The following CCDC91 variants were observed in gnomAD, a reference collection of about 807,000 sequenced individuals.
CCDC91 encodes the protein coiled-coil domain containing 91, also known as coiled-coil domain-containing protein 91.
In CCDC91, 48 loss-of-function variants were observed where a neutral mutation model predicts 63.2. The ratio of observed to expected loss-of-function variants is 0.76; its 90% CI spans 0.60 to 0.97. The LOEUF is 0.97. Among genes scored for constraint, CCDC91 ranks in the 50% least tolerant of loss-of-function variants. The pLI is 0.00. For missense variants in CCDC91, 500 were observed against 494.6 expected (o/e 1.01, Z -0.10); for synonymous variants, 167 against 165.8 (o/e 1.01, Z -0.06).
At chr12:28,255,898 A>G (rs1315933667) in intron 1 of CCDC91, 1 of 152,126 alleles carries the variant, frequency 6.6e-6, no homozygotes, top group African/African-American at 2.4e-5. Context: ...TCCAGAAGGT[A>G]AAGCACAGAT....
chr12:28,407,968 T>TTA (rs1267336901), intron 8 of CCDC91, among the ~76,000 whole-genome samples: 12 of 149,420 alleles, frequency 8.0e-5, no homozygotes, highest in Admixed American at 5.4e-4. Flanking sequence ...ATATATATTT[T>TTA]TTTTATTTTT....
chr12:28,441,697 A>G (rs375436519), intron 8 of CCDC91, among the ~76,000 whole-genome samples: 1 of 138,776 alleles, frequency 7.2e-6, no homozygotes, highest in African/African-American at 2.7e-5. Flanking sequence ...GTATATATAT[A>G]TCTCTCTCAT....
rs1938760621 is a variant in CCDC91 at position 28,306,609 on chromosome 12, A to T, written c.268-133A>T. On this transcript the variant is annotated intron_variant, in intron 4 of 12. Coordinates refer to ENST00000536442, the MANE Select transcript of CCDC91 (RefSeq NM_018318.5). ...TGAGGTCTTCTCTTGATTTACTTAAAGGGTGAAATAATTTCGGAACCTTTT... is the reference window on the plus strand; with the variant it reads ...TGAGGTCTTCTCTTGATTTACTTAATGGGTGAAATAATTTCGGAACCTTTT... The T allele has an allele frequency of 5.2e-6, 3 of 572,084 alleles. No individual in the cohort carries two copies. The Admixed American group carries it at 1.1e-4, about 20-fold the overall frequency. 35.4% of individuals were successfully genotyped at this position (572,084 alleles called of 1,614,324 possible). A position where few individuals can be genotyped will look rare whatever the true frequency, so the allele number is the denominator to read the frequency against.
intron 12 of CCDC91, among the ~76,000 whole-genome samples, chr12:28,543,765 T>C (rs564937812): frequency 1.3e-5 from 2 of 152,146 alleles, no homozygotes; most frequent in African/African-American, 4.8e-5. Flanking sequence ...ATTTATCATG[T>C]CTGAAACAAA....
At position 28,450,484 on chromosome 12, in the gene CCDC91, AG is replaced by A. The variant is rs1023865586; in HGVS notation, c.924+67del. 66 of 1,063,960 alleles carry A rather than the reference AG, an allele frequency of 6.2e-5. No homozygotes were observed. In the African/African-American group the frequency reaches 9.8e-4, roughly 16 times the overall value. The allele number at this position is 1,063,960 out of a possible 1,614,324, so 65.9% of individuals were successfully genotyped here. A position where few individuals can be genotyped will look rare whatever the true frequency, so the allele number is the denominator to read the frequency against. ...GAATTAAAAAATGGAATATATTAAT[AG>A]TATTCTCAATCTTTTATAAAATGTT... On this transcript the variant is annotated intron_variant, in intron 10 of 12. Coordinates refer to ENST00000536442, the MANE Select transcript of CCDC91 (RefSeq NM_018318.5).
chr12:28,409,347 T>C (rs1303103382), intron 8 of CCDC91, among the ~76,000 whole-genome samples: 1 of 152,154 alleles, frequency 6.6e-6, no homozygotes, highest in African/African-American at 2.4e-5. Flanking sequence ...TATAAGTGTG[T>C]GCATGTTTTT....
rs1565941340 is a variant in CCDC91 at position 28,417,645 on chromosome 12, ACAC to A, written c.762+26235_762+26237del. 4.0e-4 allele frequency among the ~76,000 whole-genome samples: 40 copies of A among 100,014 alleles called. No homozygotes were observed. The South Asian group carries it at 8.5e-3, about 21-fold the overall frequency. 65.6% of individuals were successfully genotyped at this position (100,014 alleles called of 152,430 possible). A position where few individuals can be genotyped will look rare whatever the true frequency, so the allele number is the denominator to read the frequency against. On this transcript the variant is annotated intron_variant, in intron 8 of 12. Transcript: ENST00000536442. ...GATATATATATATATATATATACAC[ACAC>A]ACACACATTGTTAAATGATTACCAC...
At chr12:28,411,894 G>A (rs903007940) in intron 8 of CCDC91, among the ~76,000 whole-genome samples, 3 of 152,106 alleles carry the variant, frequency 2.0e-5, no homozygotes, top group African/African-American at 4.8e-5. Flanking sequence ...TCAGAAGAAG[G>A]CATCACACCA....
intron 6 of CCDC91, among the ~76,000 whole-genome samples, chr12:28,324,519 C>T (rs1477123992): frequency 6.6e-6 from 1 of 151,910 alleles, no homozygotes; most frequent in East Asian, 1.9e-4. Flanking sequence ...TGTAATTTTA[C>T]TTTTCTCGAA....
chr12:28,241,463 G>C (rs1945329868), intron 1 of CCDC91, among the ~76,000 whole-genome samples: 1 of 152,094 alleles, frequency 6.6e-6, no homozygotes, highest in Non-Finnish European at 1.5e-5. Flanking sequence ...TTTGTATGAA[G>C]AATAGTTCTA....
chr12:28,465,095 T>G (rs1950488113), intron 11 of CCDC91, among the ~76,000 whole-genome samples: 2 of 152,120 alleles, frequency 1.3e-5, no homozygotes, highest in Non-Finnish European at 2.9e-5. Context: ...AGGCCTGAGG[T>G]GCAGTAGCCA....
intron 3 of CCDC91, among the ~76,000 whole-genome samples, chr12:28,298,275 A>G (rs532743676): frequency 9.9e-5 from 15 of 151,548 alleles, no homozygotes; most frequent in Admixed American, 3.3e-4. Flanking sequence ...TCAACTTTTC[A>G]TATGTCTTAT....
chr12:28,435,918 AGTCT>A (rs1260629878), intron 8 of CCDC91, among the ~76,000 whole-genome samples: 1 of 151,738 alleles, frequency 6.6e-6, no homozygotes, highest in Non-Finnish European at 1.5e-5. Flanking sequence ...AAATATAGCT[AGTCT>A]GTCTTTCTTT....
intron 4 of CCDC91, among the ~76,000 whole-genome samples, chr12:28,306,224 T>C (rs138496741): frequency 7.9e-5 from 12 of 152,194 alleles, no homozygotes; most frequent in African/African-American, 2.9e-4. Context: ...TAAGGTTTAT[T>C]CATTCAAATA....
chr12:28,358,979 T>C (rs190235893), intron 6 of CCDC91, among the ~76,000 whole-genome samples: 1,624 of 152,296 alleles, frequency 0.011, 37 homozygotes, highest in African/African-American at 0.037. Context: ...CACCGCAACC[T>C]CCGCCTCCCG....
intron 1 of CCDC91, among the ~76,000 whole-genome samples, chr12:28,251,324 T>C (rs1336228096): frequency 2.0e-5 from 3 of 152,002 alleles, no homozygotes; most frequent in African/African-American, 4.8e-5. Flanking sequence ...TTGAGCAACT[T>C]TGGTGTCTAG....
At chr12:28,310,656 G>A (rs11049520) in intron 6 of CCDC91, among the ~76,000 whole-genome samples, 30,638 of 151,942 alleles carry the variant, frequency 0.2, 4,011 homozygotes, top group Non-Finnish European at 0.3. Context: ...TGTTCAGTTT[G>A]TATGTCACCA....
intron 7 of CCDC91, among the ~76,000 whole-genome samples, chr12:28,381,686 T>A (rs901829513): frequency 2.0e-5 from 3 of 152,148 alleles, no homozygotes; most frequent in African/African-American, 7.2e-5. Context: ...TTTTGTTGTT[T>A]TAGTAGGATA....
chr12:28,386,740 T>C (rs931089220), intron 7 of CCDC91, among the ~76,000 whole-genome samples: 1 of 152,212 alleles, frequency 6.6e-6, no homozygotes, highest in African/African-American at 2.4e-5. Context: ...ATACTACAAA[T>C]CTCTGATAAA....
Sources: gnomAD v4.1 joint callset for allele counts (sites outside exome capture counted in the v4.1 genomes callset) on GRCh38, gnomAD v4.1.1 for gene constraint, MANE v1.5 for transcripts, NCBI Gene and HGNC (gene_info 2026-07-23, HGNC 2026-07-21) for gene names.